Variants in MICU3 observed in about 807,000 individuals in gnomAD.
MICU3 encodes calcium uptake protein 3, mitochondrial.
In MICU3, 62 loss-of-function variants were observed where a neutral mutation model predicts 66.5. That is an observed-to-expected ratio of 0.93 (90% CI 0.76 to 1.15). The LOEUF (loss-of-function observed/expected upper bound fraction) is 1.15. MICU3 is among the 50% of genes most tolerant of loss of function. The pLI, the probability that MICU3 is intolerant of heterozygous loss-of-function variation, is 0.00. For synonymous variants in MICU3, 308 were observed against 240.7 expected (o/e 1.28, Z -2.59); for missense variants, 779 against 664.4 (o/e 1.17, Z -1.90).
intron 12 of MICU3, among the ~76,000 whole-genome samples, chr8:17,115,789 G>A (rs1802622865): frequency 6.6e-6 from 1 of 152,054 alleles, no homozygotes; most frequent in African/African-American, 2.4e-5. Context: ...CAAAGTCCCT[G>A]TGCAGAGTTT....
At chr8:17,029,024 G>A (rs1216915254) in intron 1 of MICU3, among the ~76,000 whole-genome samples, 7 of 152,282 alleles carry the variant, frequency 4.6e-5, no homozygotes, top group South Asian at 2.1e-4. Flanking sequence ...TTGGCTCCAC[G>A]ACTTGCTACT....
chr8:17,110,924 T>C (rs1241700190), intron 11 of MICU3, among the ~76,000 whole-genome samples: 1 of 152,222 alleles, frequency 6.6e-6, no homozygotes, highest in Non-Finnish European at 1.5e-5. Context: ...TATCAGTATT[T>C]CATTCTTTGC....
intron 13 of MICU3, among the ~76,000 whole-genome samples, chr8:17,118,311 T>C (rs1461825382): frequency 2.0e-5 from 3 of 152,188 alleles, no homozygotes; most frequent in Non-Finnish European, 4.4e-5. Context: ...CATACAAATA[T>C]GTATTTATGG....
intron 14 of MICU3, 91 bp downstream of exon 14, chr8:17,118,866 G>T (rs1802949403): frequency 1.4e-6 from 1 of 714,716 alleles, no homozygotes; most frequent in Non-Finnish European, 2.3e-6. Context: ...ATAGCTGAAA[G>T]AAATAGAATT....
intron 4 of MICU3, among the ~76,000 whole-genome samples, chr8:17,079,793 C>G (rs889739596): frequency 6.6e-6 from 1 of 151,974 alleles, no homozygotes; most frequent in South Asian, 2.1e-4. Context: ...CCATGCCTGG[C>G]TAAAGACTAA....
chr8:17,130,984 A>G, the MICU3 span, among the ~76,000 whole-genome samples: 1 of 152,218 alleles, frequency 6.6e-6, no homozygotes, highest in Admixed American at 6.5e-5. Flanking sequence ...ATGATAGAGA[A>G]AAAAGATCCT....
chr8:17,136,858 C>T, the MICU3 span, among the ~76,000 whole-genome samples: 124 of 146,136 alleles, frequency 8.5e-4, no homozygotes, highest in East Asian at 0.018. Context: ...TTTTTTGAGA[C>T]GGAGTCTCTC....
intron 1 of MICU3, among the ~76,000 whole-genome samples, chr8:17,053,969 A>G (rs1272123639): frequency 6.6e-6 from 1 of 152,184 alleles, no homozygotes; most frequent in Non-Finnish European, 1.5e-5. Context: ...TCATGTTTCT[A>G]CTGTGTGGCC....
intron 1 of MICU3, among the ~76,000 whole-genome samples, chr8:17,047,957 G>C (rs191688426): frequency 6.6e-6 from 1 of 152,124 alleles, no homozygotes; most frequent in Admixed American, 6.6e-5. Flanking sequence ...TTTAAAAGAA[G>C]TTACAATGAA....
At chr8:17,098,579 T>C (rs750775223) in intron 9 of MICU3, 26 bp downstream of exon 9, 13 of 1,407,402 alleles carry the variant, frequency 9.2e-6, no homozygotes, top group Non-Finnish European at 1.2e-5. Flanking sequence ...AACAAGGTCC[T>C]TGTACTATTT....
At chr8:17,062,526 C>T (rs190496845) in intron 1 of MICU3, among the ~76,000 whole-genome samples, 3 of 152,228 alleles carry the variant, frequency 2.0e-5, no homozygotes, top group Middle Eastern at 3.4e-3. Context: ...CCTGGCTTTT[C>T]GTTTAATAAG....
At chr8:17,094,951 C>G (rs1585469848) in intron 8 of MICU3, among the ~76,000 whole-genome samples, 1 of 151,962 alleles carries the variant, frequency 6.6e-6, no homozygotes, top group Non-Finnish European at 1.5e-5. Context: ...CATAATTCTT[C>G]ATGTTTATCT....
chr8:17,128,066 C>T, the MICU3 span, among the ~76,000 whole-genome samples: 2 of 152,006 alleles, frequency 1.3e-5, no homozygotes, highest in Admixed American at 6.6e-5. Flanking sequence ...TGGGAGCCTG[C>T]GGGCTTTATG....
At chr8:17,137,329 ACAT>A in the MICU3 span, among the ~76,000 whole-genome samples, 1 of 152,116 alleles carries the variant, frequency 6.6e-6, no homozygotes, top group East Asian at 1.9e-4. Context: ...TAAGCAGTAA[ACAT>A]CATACTAATT....
At chr8:17,055,735 A>C in intron 1 of MICU3, among the ~76,000 whole-genome samples, 1 of 151,842 alleles carries the variant, frequency 6.6e-6, no homozygotes, top group East Asian at 1.9e-4. Context: ...CCTTGATCCC[A>C]CTCCCAGCCC....
rs1286936671 is a variant in MICU3, at chr8:17,105,522, A to G, written c.1195A>G (p.Thr399Ala). 1.3e-6 allele frequency: 2 copies of G among 1,577,604 alleles called. No homozygotes were observed. The highest frequency in any genetic ancestry group is 1.8e-5 in the Admixed American group (1 of 54,098). Reference sequence around the variant, plus strand: ...TTTTGCTCATATTCTTTTACGATATACAAATGTGGAAAATACATCAGTATT... The same window carrying G: ...TTTTGCTCATATTCTTTTACGATATGCAAATGTGGAAAATACATCAGTATT... ...EDFAHILLRY[T>A]NVENTSVFLE... Residue 399 changes from threonine (T) to alanine (A), a missense_variant, in exon 11 of 15, where the codon ACA becomes GCA. Transcript: ENST00000318063.
intron 1 of MICU3, among the ~76,000 whole-genome samples, chr8:17,030,771 G>T (rs1811884886): frequency 6.6e-6 from 1 of 152,146 alleles, no homozygotes; most frequent in African/African-American, 2.4e-5. Context: ...TAGCTCCATA[G>T]TTCCCAAGGC....
chr8:17,040,136 G>A (rs1352477327), intron 1 of MICU3, among the ~76,000 whole-genome samples: 1 of 151,994 alleles, frequency 6.6e-6, no homozygotes, highest in Non-Finnish European at 1.5e-5. Flanking sequence ...TCGAACTCCC[G>A]ATCTCAGGTG....
At chr8:17,096,983 G>GTGTGTA (rs1800772735) in intron 8 of MICU3, among the ~76,000 whole-genome samples, 1 of 151,154 alleles carries the variant, frequency 6.6e-6, no homozygotes. Context: ...GTGTGTGTGT[G>GTGTGTA]TGTGTGTGTG....
Sources: gnomAD v4.1 joint callset for allele counts (sites outside exome capture counted in the v4.1 genomes callset) on GRCh38, gnomAD v4.1.1 for gene constraint, MANE v1.5 for transcripts, NCBI Gene and HGNC (gene_info 2026-07-23, HGNC 2026-07-21) for gene names.